The following PRKAR2B variants were observed in gnomAD, a reference collection of about 807,000 sequenced individuals.
PRKAR2B encodes protein kinase cAMP-dependent type II regulatory subunit beta.
PRKAR2B carries 14 observed loss-of-function variants against 49.9 expected under a neutral mutation model. That is an observed-to-expected ratio of 0.28 (90% CI 0.19 to 0.44). The LOEUF is 0.44. Ranked by LOEUF, PRKAR2B falls within the 20% of genes least tolerant of loss-of-function variation. PRKAR2B has a pLI of 1.00. For missense variants in PRKAR2B, 393 were observed against 537.9 expected, an observed-to-expected ratio of 0.73 and a Z score of 2.67; for synonymous variants, 196 against 197.7, an observed-to-expected ratio of 0.99 and a Z score of 0.07.
chr7:107,156,956 CGTCT>C, intron 8 of PRKAR2B, 24 bp from the exon 9 acceptor site: 2 of 1,567,104 alleles, frequency 1.3e-6, no homozygotes, highest in Non-Finnish European at 1.8e-6. Context: ...GCATTTTCAC[CGTCT>C]GTTTTTGTTA....
intron 1 of PRKAR2B, among the ~76,000 whole-genome samples, chr7:107,064,816 G>A: frequency 6.6e-6 from 1 of 152,142 alleles, no homozygotes; most frequent in South Asian, 2.1e-4. Context: ...CAAAAATGTA[G>A]AAAATAAGTG....
chr7:107,142,416 A>T (rs116430207), intron 5 of PRKAR2B, among the ~76,000 whole-genome samples: 1,953 of 152,318 alleles, frequency 0.013, 27 homozygotes, highest in African/African-American at 0.045. Flanking sequence ...CATCACTGAA[A>T]CACCTCAGAA....
chr7:107,094,001 A>T (rs1018716111), intron 2 of PRKAR2B, among the ~76,000 whole-genome samples: 5 of 152,178 alleles, frequency 3.3e-5, no homozygotes, highest in East Asian at 1.9e-4. Flanking sequence ...TAGCAGCATG[A>T]TTTATAATCC....
At chr7:107,087,879 TG>T (rs1382644829) in intron 2 of PRKAR2B, among the ~76,000 whole-genome samples, 1 of 152,164 alleles carries the variant, frequency 6.6e-6, no homozygotes, top group East Asian at 1.9e-4. Context: ...ATCCCACATA[TG>T]ATAAAGTTTA....
intron 3 of PRKAR2B, among the ~76,000 whole-genome samples, chr7:107,123,835 TA>T (rs1481994234): frequency 6.6e-6 from 1 of 152,222 alleles, no homozygotes; most frequent in East Asian, 1.9e-4. Flanking sequence ...GTTAATGTAT[TA>T]TATGTTTGAT....
chr7:107,096,932 A>G (rs182453141), intron 2 of PRKAR2B, among the ~76,000 whole-genome samples: 119 of 152,252 alleles, frequency 7.8e-4, no homozygotes, highest in African/African-American at 2.8e-3. Flanking sequence ...ACTTGCAACT[A>G]TATGGTCAGT....
intron 2 of PRKAR2B, among the ~76,000 whole-genome samples, chr7:107,110,045 C>A (rs181733940): frequency 6.6e-6 from 1 of 152,202 alleles, no homozygotes; most frequent in South Asian, 2.1e-4. Flanking sequence ...ACCAGCACCA[C>A]CCCTCCACCA....
rs10589473 is a variant in PRKAR2B at position 107,101,875 on chromosome 7, C to CTTTTTTTTTTTTTTTT, written c.344-20069_344-20054dup. ...TTGGTTGATTTCCAGAGCCCTGATC[C>CTTTTTTTTTTTTTTTT]TTTTTTTTTTTTTTTTTTTTTTTCC... On this transcript the variant is annotated intron_variant, in intron 2 of 10. Coordinates refer to ENST00000265717, the MANE Select transcript of PRKAR2B (RefSeq NM_002736.3). 5.3e-5 allele frequency among the ~76,000 whole-genome samples: 5 copies of CTTTTTTTTTTTTTTTT among 94,254 alleles called. 1 individual carries two copies. The highest frequency in any genetic ancestry group is 6.0e-5 in the Non-Finnish European group (3 of 50,072). The allele number at this position is 94,254 out of a possible 152,430, so 61.8% of individuals were successfully genotyped here.
intron 5 of PRKAR2B, among the ~76,000 whole-genome samples, chr7:107,142,908 A>G (rs1201104473): frequency 6.6e-6 from 1 of 151,926 alleles, no homozygotes; most frequent in Non-Finnish European, 1.5e-5. Context: ...GACTACAGGT[A>G]CCCGCCACCA....
intron 2 of PRKAR2B, among the ~76,000 whole-genome samples, chr7:107,076,492 A>G (rs908746018): frequency 1.1e-4 from 17 of 152,082 alleles, no homozygotes; most frequent in African/African-American, 3.6e-4. Flanking sequence ...ACAGTTCCCT[A>G]TACCGCCTGT....
At chr7:107,070,821 T>C (rs150789394) in intron 2 of PRKAR2B, among the ~76,000 whole-genome samples, 3 of 152,320 alleles carry the variant, frequency 2.0e-5, no homozygotes, top group African/African-American at 7.2e-5. Context: ...AACTTGTCAT[T>C]ATGGGACCAT....
chr7:107,097,124 A>G (rs1359709456), intron 2 of PRKAR2B, among the ~76,000 whole-genome samples: 1 of 152,180 alleles, frequency 6.6e-6, no homozygotes, highest in Non-Finnish European at 1.5e-5. Context: ...AAAGTCTCCC[A>G]TTATTATTGT....
At chr7:107,153,112 C>G (rs192938926) in intron 7 of PRKAR2B, 65 bp from the exon 8 acceptor site, 21 of 1,286,098 alleles carry the variant, frequency 1.6e-5, no homozygotes, top group Admixed American at 1.2e-4. Context: ...GTTTTTTACT[C>G]CCGAACTAGA....
At chr7:107,068,758 A>G (rs933229297) in intron 1 of PRKAR2B, 5 of 152,162 alleles carry the variant, frequency 3.3e-5, no homozygotes, top group African/African-American at 9.7e-5. Context: ...CTCTTATTGT[A>G]TGATTTCAGG....
At chr7:107,073,371 A>G (rs918056140) in intron 2 of PRKAR2B, among the ~76,000 whole-genome samples, 1 of 152,158 alleles carries the variant, frequency 6.6e-6, no homozygotes, top group Non-Finnish European at 1.5e-5. Context: ...TTTGTAAGTG[A>G]AAGGAATCAG....
In PRKAR2B at chr7:107,134,482, G is replaced by C. The variant is rs185377549; in HGVS notation, c.480+6187G>C. Among the ~76,000 whole-genome samples, 4 of 152,074 alleles carry C rather than the reference G, an allele frequency of 2.6e-5. No homozygotes were observed. The East Asian group carries it at 7.7e-4, about 29-fold the overall frequency. ...AATCATGATAACACATTAATGTTTT[G>C]CTGTTGCCACTATGTTATAATTGTA... is the stretch of plus-strand genomic sequence containing the variant. On this transcript the variant is annotated intron_variant, in intron 4 of 10. Coordinates refer to ENST00000265717, the MANE Select transcript of PRKAR2B (RefSeq NM_002736.3).
At chr7:107,152,781 A>G (rs79237430) in intron 7 of PRKAR2B, among the ~76,000 whole-genome samples, 1 of 152,174 alleles carries the variant, frequency 6.6e-6, no homozygotes, top group African/African-American at 2.4e-5. Context: ...TTCCAGCAGC[A>G]TATTTCTTTA....
intron 1 of PRKAR2B, among the ~76,000 whole-genome samples, chr7:107,046,775 A>C (rs1227712473): frequency 6.6e-6 from 1 of 152,160 alleles, no homozygotes; most frequent in Admixed American, 6.5e-5. Flanking sequence ...AAGGGGAAAA[A>C]AAGGACTCTT....
intron 2 of PRKAR2B, among the ~76,000 whole-genome samples, chr7:107,106,900 C>T (rs1795083591): frequency 6.6e-6 from 1 of 152,060 alleles, no homozygotes; most frequent in Non-Finnish European, 1.5e-5. Context: ...CTGGAAGTAA[C>T]ATGAGCTAGA....
Sources: allele counts gnomAD v4.1 joint callset (sites outside exome capture counted in the v4.1 genomes callset), GRCh38; gene constraint gnomAD v4.1.1; transcripts MANE v1.5; gene names NCBI Gene and HGNC (gene_info 2026-07-23, HGNC 2026-07-21).